The following UNC13A variants were observed in gnomAD, a reference collection of about 807,000 sequenced individuals.
The protein encoded by UNC13A is unc-13 homolog A.
Under a neutral mutation model 219.7 loss-of-function variants are expected in UNC13A, and 61 were observed. The observed-to-expected ratio is 0.28, with a 90% CI of 0.23 to 0.34. The LOEUF is 0.34. Ranked by LOEUF, UNC13A falls within the 10% of genes least tolerant of loss-of-function variation. The pLI is 1.00. For missense variants in UNC13A, 1,476 were observed against 2,270.3 expected (o/e 0.65, Z 7.11); for synonymous variants, 920 against 884.6 (o/e 1.04, Z -0.71).
chr19:17,634,414 C>T (rs2076890994), intron 26 of UNC13A, among the ~76,000 whole-genome samples: 1 of 152,032 alleles, frequency 6.6e-6, no homozygotes, highest in Admixed American at 6.6e-5. Context: ...TTTCAGCTCA[C>T]TGCAACCTCC....
At chr19:17,624,773 G>T in intron 35 of UNC13A, 56 bp downstream of exon 35, 2 of 1,558,856 alleles carry the variant, frequency 1.3e-6, no homozygotes, top group South Asian at 2.4e-5. Context: ...CAAGTTTTCT[G>T]GGCTCTCGCC....
Position 17,602,518 on chromosome 19 carries a change from G to A in UNC13A, c.*3536C>T, listed in dbSNP as rs2076476396. The A allele has an allele frequency of 6.6e-6, 1 of 152,272 alleles. No homozygotes were observed. Among genetic ancestry groups the A allele is most frequent in the African/African-American group, 2.4e-5 (1 of 41,458 alleles). 9.4% of individuals were successfully genotyped at this position (152,272 alleles called of 1,614,324 possible). A position where few individuals can be genotyped will look rare whatever the true frequency, so the allele number is the denominator to read the frequency against. On this transcript the variant is annotated 3_prime_UTR_variant, in exon 44 of 44. Coordinates refer to ENST00000519716, the MANE Select transcript of UNC13A (RefSeq NM_001080421.3). ...GGGCCAGCTCCTTGCATAAAGCGAG[G>A]TCCAGGGTTCAGAACCCTGGAGGTG... is the stretch of plus-strand genomic sequence containing the variant.
chr19:17,685,572 G>A (rs1231795098), intron 1 of UNC13A, among the ~76,000 whole-genome samples: 6 of 152,140 alleles, frequency 3.9e-5, no homozygotes, highest in Non-Finnish European at 8.8e-5. Flanking sequence ...CTATATGCGT[G>A]CTGGCAGACA....
intron 41 of UNC13A, among the ~76,000 whole-genome samples, chr19:17,616,757 G>C (rs952174871): frequency 2.0e-5 from 3 of 152,160 alleles, no homozygotes; most frequent in Non-Finnish European, 4.4e-5. Flanking sequence ...CCCTTGGGCT[G>C]GCTGGATCGG....
chr19:17,621,491 G>T (rs779118523), intron 37 of UNC13A, among the ~76,000 whole-genome samples: 2 of 152,068 alleles, frequency 1.3e-5, no homozygotes, highest in Non-Finnish European at 1.5e-5. Flanking sequence ...AAAACAACAC[G>T]TCTCAGTCCA....
Position 17,640,497 on chromosome 19 carries a change from TC to T in UNC13A, c.2787+13del. On this transcript the variant is annotated intron_variant, in intron 22 of 43. Transcript: ENST00000519716. Reference sequence around the variant, plus strand: ...GCTCTCCCTAATTCTCCAATCCCAGTCCCCAGGACTGACCCCAAAGTTGGAG... The same window carrying T: ...GCTCTCCCTAATTCTCCAATCCCAGTCCCAGGACTGACCCCAAAGTTGGAG... The T allele has an allele frequency of 6.5e-7, 1 of 1,542,586 alleles. No individual in the cohort carries two copies. The highest frequency in any genetic ancestry group is 8.7e-7 in the Non-Finnish European group (1 of 1,143,990).
chr19:17,626,557 TC>T, intron 34 of UNC13A, 75 bp downstream of exon 34: 1 of 1,421,912 alleles, frequency 7.0e-7, no homozygotes, highest in Non-Finnish European at 9.2e-7. Context: ...GCACACCCTC[TC>T]CAGCCAGTCC....
chr19:17,639,977 A>G, intron 22 of UNC13A, 69 bp from the exon 23 acceptor site: 1 of 1,471,354 alleles, frequency 6.8e-7, no homozygotes, highest in Non-Finnish European at 9.5e-7. Context: ...CTGAGCGCCT[A>G]CTGTACAGTA....
In UNC13A at chr19:17,621,873, G is replaced by T; in HGVS notation, c.4204-3C>A. 6.2e-7 allele frequency: 1 copy of T among 1,613,960 alleles called. No homozygotes were observed. Among genetic ancestry groups the T allele is most frequent in the Non-Finnish European group, 8.5e-7 (1 of 1,179,880 alleles). On this transcript the variant is annotated splice_region_variant and splice_polypyrimidine_tract_variant and intron_variant, in intron 36 of 43. Coordinates refer to ENST00000519716, the MANE Select transcript of UNC13A (RefSeq NM_001080421.3). ...CCATGTTTTCTCAAGAGGTTCCCCT[G>T]CAGAGATAATGTCACAGGGTGATCA...
At position 17,605,816 on chromosome 19, in the gene UNC13A, G is replaced by A. The variant is rs1599817497; in HGVS notation, c.*238C>T. On this transcript the variant is annotated 3_prime_UTR_variant, in exon 44 of 44. Transcript: ENST00000519716. ...GGTGCTGGGGGCGTGGCCTCAAGTT[G>A]GGGATGTGGCTCCTTCCTTCGTCGC... 8.9e-6 allele frequency: 4 copies of A among 448,628 alleles called. No homozygotes were observed. The highest frequency in any genetic ancestry group is 1.5e-5 in the Non-Finnish European group (4 of 259,006). 27.8% of individuals were successfully genotyped at this position (448,628 alleles called of 1,614,324 possible). A position where few individuals can be genotyped will look rare whatever the true frequency, so the allele number is the denominator to read the frequency against.
intron 41 of UNC13A, chr19:17,616,508 TGGGGAGC>T (rs980680340): frequency 1.9e-5 from 6 of 311,818 alleles, no homozygotes; most frequent in African/African-American, 1.4e-4. Context: ...GTGGGAAGCA[TGGGGAGC>T]GGGGAGAGAC....
intron 41 of UNC13A, 87 bp from the exon 42 acceptor site, chr19:17,611,942 T>G (rs2076608751): frequency 8.4e-7 from 1 of 1,187,076 alleles, no homozygotes; most frequent in Non-Finnish European, 1.2e-6. Flanking sequence ...CACCCACCTG[T>G]GCTGGCGGCA....
At chr19:17,663,858 C>T (rs895339841) in intron 7 of UNC13A, among the ~76,000 whole-genome samples, 3 of 152,142 alleles carry the variant, frequency 2.0e-5, no homozygotes, top group East Asian at 3.9e-4. Flanking sequence ...TAGAGTGGTG[C>T]AATCACGGCT....
chr19:17,686,463 C>A (rs971344358), intron 1 of UNC13A, among the ~76,000 whole-genome samples: 7 of 151,840 alleles, frequency 4.6e-5, no homozygotes, highest in African/African-American at 1.5e-4. Context: ...CCTTTAAGAG[C>A]CCGGCTACTT....
intron 19 of UNC13A, among the ~76,000 whole-genome samples, chr19:17,643,910 C>G (rs2076996384): frequency 6.6e-6 from 1 of 152,110 alleles, no homozygotes; most frequent in Non-Finnish European, 1.5e-5. Context: ...GTGCCTCTCT[C>G]CTCAGACTAG....
intron 26 of UNC13A, among the ~76,000 whole-genome samples, chr19:17,634,757 G>A (rs553343752): frequency 9.0e-4 from 137 of 151,670 alleles, no homozygotes; most frequent in African/African-American, 2.9e-3. Context: ...GTGCAGTGGC[G>A]CAATCTCGAC....
chr19:17,610,464 T>C (rs2076590406), intron 42 of UNC13A, among the ~76,000 whole-genome samples: 1 of 151,678 alleles, frequency 6.6e-6, no homozygotes, highest in African/African-American at 2.4e-5. Flanking sequence ...AGATCCTGTC[T>C]AAAAAAAATA....
At position 17,624,830 on chromosome 19, in the gene UNC13A, G is replaced by A. The variant is rs780139418; in HGVS notation, c.4196C>T (p.Thr1399Met). The change falls in exon 35 of 44, where the codon ACG (threonine) becomes ATG (methionine). Residue 1399 changes from threonine to methionine, a missense_variant and splice_region_variant. Around this residue, in one of 14 missense-constraint regions of UNC13A, gnomAD observed 75 missense variants for 100.2 expected, o/e 0.75. Transcript: ENST00000519716. ...CCTCGGGCCCCCTGCAGGTCTCACC[G>A]TCTGGTCAGTGAGGGGCGGCAGGAC... ...TIVLPPLTDQTMIGNLLRKHG... is the reference protein window; with the variant it reads ...TIVLPPLTDQMMIGNLLRKHG... The A allele has an allele frequency of 6.2e-6, 10 of 1,612,774 alleles. No individual in the cohort carries two copies. Among genetic ancestry groups the A allele is most frequent in the African/African-American group, 1.3e-5 (1 of 74,890 alleles).
intron 28 of UNC13A, among the ~76,000 whole-genome samples, 156 bp from the exon 29 acceptor site, chr19:17,630,906 C>T (rs2076836358): frequency 6.6e-6 from 1 of 152,160 alleles, no homozygotes; most frequent in Admixed American, 6.5e-5. Context: ...CTGCTCGCCT[C>T]CTGCACTGAA....
Sources: gnomAD v4.1 joint callset for allele counts (sites outside exome capture counted in the v4.1 genomes callset) on GRCh38, gnomAD v4.1.1 for gene constraint, gnomAD v4.1.1 regional missense constraint, MANE v1.5 for transcripts, NCBI Gene and HGNC (gene_info 2026-07-23, HGNC 2026-07-21) for gene names.